Variants in CAMTA1 observed in about 807,000 individuals in gnomAD.
The protein encoded by CAMTA1 is calmodulin binding transcription activator 1.
CAMTA1 carries 27 observed loss-of-function variants against 170.9 expected under a neutral mutation model. The ratio of observed to expected loss-of-function variants is 0.16; its 90% CI spans 0.12 to 0.22. CAMTA1 has a LOEUF of 0.22. Ranked by LOEUF, CAMTA1 falls within the 10% of genes least tolerant of loss-of-function variation. The pLI is 1.00. For missense variants in CAMTA1, 1,619 were observed against 2,217.2 expected (o/e 0.73, Z 5.42); for synonymous variants, 833 against 891.5 (o/e 0.93, Z 1.17).
At chr1:7,085,823 T>C (rs1640662636) in intron 3 of CAMTA1, among the ~76,000 whole-genome samples, 1 of 152,190 alleles carries the variant, frequency 6.6e-6, no homozygotes, top group Non-Finnish European at 1.5e-5. Flanking sequence ...TCAAAACCCA[T>C]CAGCTTGGGG....
chr1:7,366,191 G>A (rs187384211), intron 5 of CAMTA1, among the ~76,000 whole-genome samples: 29 of 152,288 alleles, frequency 1.9e-4, no homozygotes, highest in African/African-American at 6.3e-4. Flanking sequence ...TTTTATCAGC[G>A]AGTGGCCATG....
intron 6 of CAMTA1, among the ~76,000 whole-genome samples, chr1:7,498,379 G>C (rs1294023596): frequency 6.6e-6 from 1 of 151,056 alleles, no homozygotes; most frequent in Non-Finnish European, 1.5e-5. Flanking sequence ...GTGTGTATGA[G>C]TGGATGTGTG....
chr1:7,160,951 C>T (rs1647179007), intron 4 of CAMTA1, among the ~76,000 whole-genome samples: 1 of 152,162 alleles, frequency 6.6e-6, no homozygotes, highest in Admixed American at 6.5e-5. Context: ...ACCTGGAAGT[C>T]ACTTCTTTCT....
At chr1:7,029,430 A>G (rs1326989373) in intron 3 of CAMTA1, among the ~76,000 whole-genome samples, 1 of 137,024 alleles carries the variant, frequency 7.3e-6, no homozygotes, top group Non-Finnish European at 1.5e-5. Context: ...CGAACCCAGG[A>G]GGCAGAGCTT....
At chr1:7,101,214 C>T (rs1012608103) in intron 4 of CAMTA1, among the ~76,000 whole-genome samples, 3 of 152,172 alleles carry the variant, frequency 2.0e-5, no homozygotes, top group South Asian at 2.1e-4. Flanking sequence ...TTAGGACTGC[C>T]TGGTATTTCT....
chr1:7,182,136 G>A (rs537730694), intron 4 of CAMTA1, among the ~76,000 whole-genome samples: 63 of 152,134 alleles, frequency 4.1e-4, no homozygotes, highest in African/African-American at 1.4e-3. Context: ...ACATTGTTCC[G>A]GGATGACCAG....
chr1:7,385,592 CG>C (rs770795064), intron 5 of CAMTA1, among the ~76,000 whole-genome samples: 1 of 152,100 alleles, frequency 6.6e-6, no homozygotes, highest in Non-Finnish European at 1.5e-5. Flanking sequence ...GGGAGAGCCC[CG>C]GGGGGAAGAG....
rs1192955184 is a variant in CAMTA1, at chr1:7,681,978, G to A, written c.2914+4245G>A. On this transcript the variant is annotated intron_variant, in intron 11 of 22. Transcript: ENST00000303635. The surrounding 1 kb of genome is among the most constrained non-coding windows in gnomAD (Gnocchi z 4.6). ...CAAGGCCAAGTTGAGAAGATTTAGG[G>A]TACCCTGTCCCCACCCCCACCTGCC... Among the ~76,000 whole-genome samples, 3 of 152,118 alleles carry A rather than the reference G, an allele frequency of 2.0e-5. No individual in the cohort carries two copies.
At chr1:6,988,548 T>C (rs1695751909) in intron 3 of CAMTA1, among the ~76,000 whole-genome samples, 1 of 152,158 alleles carries the variant, frequency 6.6e-6, no homozygotes, top group African/African-American at 2.4e-5. Context: ...TTCTTGTAAT[T>C]ACCCTGGAAA....
At chr1:6,833,019 T>TCAGCAG (rs559003171) in intron 3 of CAMTA1, among the ~76,000 whole-genome samples, 7 of 151,864 alleles carry the variant, frequency 4.6e-5, no homozygotes, top group Middle Eastern at 6.9e-3. Flanking sequence ...GTGCAGTGCC[T>TCAGCAG]CAGCAGCAGC....
chr1:7,407,058 C>T (rs749464832), intron 5 of CAMTA1, among the ~76,000 whole-genome samples: 3 of 152,178 alleles, frequency 2.0e-5, no homozygotes, highest in Non-Finnish European at 2.9e-5. Context: ...GCACTTAGTG[C>T]GAGAGACATC....
At chr1:7,438,467 T>G (rs1460506523) in intron 5 of CAMTA1, among the ~76,000 whole-genome samples, 1 of 152,156 alleles carries the variant, frequency 6.6e-6, no homozygotes, top group African/African-American at 2.4e-5. Flanking sequence ...CTGGAGAGAC[T>G]GGGATCCCCC....
At chr1:7,530,497 G>A (rs539522573) in intron 6 of CAMTA1, among the ~76,000 whole-genome samples, 1 of 152,036 alleles carries the variant, frequency 6.6e-6, no homozygotes, top group African/African-American at 2.4e-5. Context: ...CACAAATGTC[G>A]CTGTCCACTG....
At chr1:7,102,127 G>A (rs934455490) in intron 4 of CAMTA1, among the ~76,000 whole-genome samples, 2 of 151,554 alleles carry the variant, frequency 1.3e-5, no homozygotes, top group African/African-American at 2.4e-5. Context: ...ATTTTTCTTC[G>A]TTATGTGTCT....
At chr1:7,338,906 A>G (rs1191479505) in intron 5 of CAMTA1, among the ~76,000 whole-genome samples, 1 of 152,244 alleles carries the variant, frequency 6.6e-6, no homozygotes, top group Non-Finnish European at 1.5e-5. Context: ...TACAGGAAGC[A>G]TGGCTGGAGA....
chr1:7,365,850 G>A (rs2085922206), intron 5 of CAMTA1, among the ~76,000 whole-genome samples: 1 of 152,170 alleles, frequency 6.6e-6, no homozygotes, highest in South Asian at 2.1e-4. Flanking sequence ...CAATACGTGG[G>A]GATGGGTGGA....
chr1:7,186,922 C>T (rs1653421246), intron 4 of CAMTA1, among the ~76,000 whole-genome samples: 1 of 151,960 alleles, frequency 6.6e-6, no homozygotes, highest in Non-Finnish European at 1.5e-5. Flanking sequence ...AAATCAGTCT[C>T]CCTAGTGGGG....
At chr1:6,790,216 A>AC (rs1263736909) in intron 1 of CAMTA1, among the ~76,000 whole-genome samples, 1 of 151,790 alleles carries the variant, frequency 6.6e-6, no homozygotes, top group Admixed American at 6.6e-5. Flanking sequence ...TTGGATTGTT[A>AC]ACTTACAAAG....
chr1:7,254,260 C>T (rs750845490), intron 5 of CAMTA1, among the ~76,000 whole-genome samples: 4 of 152,200 alleles, frequency 2.6e-5, no homozygotes, highest in Non-Finnish European at 5.9e-5. Context: ...CCTAGCAACG[C>T]GGCCCTCTCG....
Sources: gnomAD v4.1 joint callset for allele counts (sites outside exome capture counted in the v4.1 genomes callset) on GRCh38, gnomAD v4.1.1 for gene constraint, Gnocchi (gnomAD v3.1) non-coding constraint, MANE v1.5 for transcripts, NCBI Gene and HGNC (gene_info 2026-07-23, HGNC 2026-07-21) for gene names.